MICAL2: variants seen among roughly 807,000 people sequenced by gnomAD.
The protein encoded by MICAL2 is microtubule associated monooxygenase, calponin and LIM domain containing 2, also known as [F-actin]-monooxygenase MICAL2.
MICAL2 carries 77 observed loss-of-function variants against 127.3 expected under a neutral mutation model. The observed-to-expected ratio is 0.60, with a 90% CI of 0.50 to 0.73. The LOEUF (loss-of-function observed/expected upper bound fraction) is 0.73. Among genes scored for constraint, MICAL2 ranks in the 30% least tolerant of loss-of-function variants. MICAL2 has a pLI of 0.00. For missense variants in MICAL2, 1,351 were observed against 1,434.4 expected, an observed-to-expected ratio of 0.94 and a Z score of 0.94; for synonymous variants, 570 against 551.1, an observed-to-expected ratio of 1.03 and a Z score of -0.48.
At chr11:12,230,308 ACT>A (rs1858067910) in intron 15 of MICAL2, among the ~76,000 whole-genome samples, 1 of 152,118 alleles carries the variant, frequency 6.6e-6, no homozygotes, top group South Asian at 2.1e-4. Flanking sequence ...TGCACGTAAG[ACT>A]CTGAAATCCA....
chr11:12,192,879 T>C (rs1374305726), intron 3 of MICAL2, among the ~76,000 whole-genome samples: 2 of 152,194 alleles, frequency 1.3e-5, no homozygotes, highest in Admixed American at 6.5e-5. Flanking sequence ...TACGAGGCTA[T>C]TTTATGAACA....
At chr11:12,162,013 C>T in intron 2 of MICAL2, 66 bp from the exon 3 acceptor site, 1 of 1,094,832 alleles carries the variant, frequency 9.1e-7, no homozygotes, top group Admixed American at 2.6e-5. Context: ...TTTTACTTCT[C>T]AGCACCCATC....
chr11:12,245,931 C>A (rs1860679794), intron 21 of MICAL2, among the ~76,000 whole-genome samples: 1 of 152,210 alleles, frequency 6.6e-6, no homozygotes, highest in South Asian at 2.1e-4. Context: ...GTGGCTTGTG[C>A]CCATAGTTGG....
chr11:12,148,237 G>A (rs1853166099), intron 2 of MICAL2, among the ~76,000 whole-genome samples: 1 of 152,160 alleles, frequency 6.6e-6, no homozygotes, highest in African/African-American at 2.4e-5. Context: ...TAGGTGTTCA[G>A]TCAGCACCAT....
At chr11:12,264,877 C>T (rs151157722), downstream of MICAL2, among the ~76,000 whole-genome samples, 76 of 152,284 alleles carry the variant, frequency 5.0e-4, no homozygotes, top group East Asian at 7.5e-3. Context: ...GGGAACCATG[C>T]GAAGTCCCCA....
chr11:12,170,324 C>A (rs115200748), intron 3 of MICAL2, among the ~76,000 whole-genome samples: 1 of 151,986 alleles, frequency 6.6e-6, no homozygotes, highest in Non-Finnish European at 1.5e-5. Flanking sequence ...ATGGTGCATG[C>A]CTGTAGTCTC....
chr11:12,232,074 C>G (rs1024865994), intron 15 of MICAL2, among the ~76,000 whole-genome samples: 40 of 152,186 alleles, frequency 2.6e-4, no homozygotes, highest in African/African-American at 9.2e-4. Flanking sequence ...TGATCAAATG[C>G]GTGTGGCAGG....
At chr11:12,245,263 G>T (rs112250414) in intron 21 of MICAL2, among the ~76,000 whole-genome samples, 1 of 151,966 alleles carries the variant, frequency 6.6e-6, no homozygotes, top group Non-Finnish European at 1.5e-5. Context: ...CAGCCAGTGC[G>T]TCTGGCTCCC....
intron 26 of MICAL2, chr11:12,262,088 A>G: frequency 3.7e-6 from 4 of 1,092,004 alleles, no homozygotes; most frequent in Non-Finnish European, 4.5e-6. Context: ...CAGAAATCTG[A>G]GATGTTTGTA....
At chr11:12,188,484 C>T (rs557092719) in intron 3 of MICAL2, among the ~76,000 whole-genome samples, 64 of 152,144 alleles carry the variant, frequency 4.2e-4, no homozygotes, top group Middle Eastern at 3.4e-3. Context: ...TGGAAGAGGC[C>T]GGGGAAGCTG....
At chr11:12,299,359 G>A (rs1391328910) in intron 29 of MICAL2, among the ~76,000 whole-genome samples, 1 of 152,058 alleles carries the variant, frequency 6.6e-6, no homozygotes, top group East Asian at 1.9e-4. Flanking sequence ...ACTTGGGGGT[G>A]CACACTTCCA....
At chr11:12,189,644 G>A (rs374943019) in intron 3 of MICAL2, among the ~76,000 whole-genome samples, 73 of 152,320 alleles carry the variant, frequency 4.8e-4, no homozygotes, top group African/African-American at 1.7e-3. Context: ...GACTCAGTTT[G>A]TTTTCTCTGA....
At chr11:12,115,918 T>G (rs1331768312) in intron 1 of MICAL2, among the ~76,000 whole-genome samples, 1 of 152,168 alleles carries the variant, frequency 6.6e-6, no homozygotes, top group Non-Finnish European at 1.5e-5. Context: ...GGATCATTAT[T>G]TCCACGATGA....
intron 3 of MICAL2, among the ~76,000 whole-genome samples, chr11:12,168,353 C>A (rs1049305390): frequency 6.7e-6 from 1 of 149,484 alleles, no homozygotes; most frequent in Non-Finnish European, 1.5e-5. Flanking sequence ...TACATATATA[C>A]ACAAATACAC....
At chr11:12,353,768 A>G (rs762225119) in intron 33 of MICAL2, among the ~76,000 whole-genome samples, 30 of 151,924 alleles carry the variant, frequency 2.0e-4, no homozygotes, top group Non-Finnish European at 2.9e-4. Context: ...GACCACCCCA[A>G]AGCATCACTG....
At chr11:12,295,692 T>A (rs11022278), downstream of MICAL2, among the ~76,000 whole-genome samples, 8 of 151,800 alleles carry the variant, frequency 5.3e-5, no homozygotes, top group Middle Eastern at 3.2e-3. Flanking sequence ...CCACTATGCC[T>A]AGCCAAAAAT....
intron 2 of MICAL2, among the ~76,000 whole-genome samples, chr11:12,139,487 C>T (rs1852139102): frequency 1.3e-5 from 2 of 152,040 alleles, no homozygotes; most frequent in Admixed American, 6.6e-5. Flanking sequence ...GGGGCATGGG[C>T]GGAGGCTCCG....
At chr11:12,360,189 CCTACCT>C (rs1939187505), downstream of MICAL2, among the ~76,000 whole-genome samples, 1 of 20,266 alleles carries the variant, frequency 4.9e-5, no homozygotes, top group Non-Finnish European at 9.3e-4. Context: ...GAGGCACCTA[CCTACCT>C]GCCTACCTAT....
At chr11:12,281,733 G>A (rs141666822) in intron 2 of MICAL2, among the ~76,000 whole-genome samples, 106 of 152,356 alleles carry the variant, frequency 7.0e-4, no homozygotes, top group African/African-American at 2.4e-3. Flanking sequence ...AACAGGCTGA[G>A]TGGTCTCCCG....
Sources: allele counts gnomAD v4.1 joint callset (sites outside exome capture counted in the v4.1 genomes callset), GRCh38; gene constraint gnomAD v4.1.1; transcripts MANE v1.5; gene names NCBI Gene and HGNC (gene_info 2026-07-23, HGNC 2026-07-21).